The following MACROD2 variants were observed in gnomAD, a reference collection of about 807,000 sequenced individuals.
MACROD2 encodes mono-ADP ribosylhydrolase 2.
MACROD2 carries 36 observed loss-of-function variants against 70.4 expected under a neutral mutation model. That is an observed-to-expected ratio of 0.51 (90% CI 0.39 to 0.68). MACROD2 has a LOEUF of 0.68. Among genes scored for constraint, MACROD2 ranks in the 30% least tolerant of loss-of-function variants. The probability of loss-of-function intolerance (pLI) is 0.00; values close to 1 mark genes in which losing one functional copy is unlikely to be tolerated. For missense variants in MACROD2, 496 were observed against 538.4 expected (o/e 0.92, Z 0.78); for synonymous variants, 172 against 178.8 (o/e 0.96, Z 0.30).
intron 5 of MACROD2, among the ~76,000 whole-genome samples, chr20:14,787,576 T>G (rs1379945529): frequency 6.6e-6 from 1 of 152,144 alleles, no homozygotes; most frequent in Non-Finnish European, 1.5e-5. Flanking sequence ...CTGCTTTATC[T>G]TCCTATGTAT....
intron 8 of MACROD2, among the ~76,000 whole-genome samples, chr20:15,695,414 T>C (rs1157213756): frequency 2.0e-5 from 3 of 150,604 alleles, no homozygotes; most frequent in Non-Finnish European, 4.4e-5. Context: ...TCTTCTTCTT[T>C]TTTTTTTTTT....
intron 5 of MACROD2, among the ~76,000 whole-genome samples, chr20:14,879,560 C>T (rs1468660722): frequency 6.6e-6 from 1 of 152,110 alleles, no homozygotes; most frequent in African/African-American, 2.4e-5. Flanking sequence ...AATAATGTGG[C>T]TAAACTTGCT....
chr20:15,399,793 T>A (rs1363170320), intron 6 of MACROD2, among the ~76,000 whole-genome samples: 2 of 152,226 alleles, frequency 1.3e-5, no homozygotes, highest in African/African-American at 4.8e-5. Flanking sequence ...TTAATGACCA[T>A]CTCACTATGT....
chr20:15,234,938 ATG>A (rs1470752853), intron 6 of MACROD2, among the ~76,000 whole-genome samples: 2 of 152,134 alleles, frequency 1.3e-5, no homozygotes, highest in Non-Finnish European at 2.9e-5. Context: ...AATGATTTTT[ATG>A]TGTTTATCCT....
intron 3 of MACROD2, among the ~76,000 whole-genome samples, chr20:14,373,641 G>A (rs1568582839): frequency 6.6e-6 from 1 of 152,100 alleles, no homozygotes; most frequent in Non-Finnish European, 1.5e-5. Context: ...GCCTCAGAAT[G>A]TGCCTTTTTG....
At chr20:14,964,770 CTTTAGTGTTATTTTTA>C (rs1249930112) in intron 5 of MACROD2, among the ~76,000 whole-genome samples, 1 of 152,070 alleles carries the variant, frequency 6.6e-6, no homozygotes, top group African/African-American at 2.4e-5. Flanking sequence ...CTGTGCTATA[CTTTAGTGTTATTTTTA>C]AAAATCACGC....
At chr20:15,894,199 G>C (rs3827081) in intron 10 of MACROD2, among the ~76,000 whole-genome samples, 19,978 of 152,194 alleles carry the variant, frequency 0.13, 1,693 homozygotes, top group East Asian at 0.42. Context: ...TCCCTGTTGA[G>C]TGCCGGGGCT....
intron 3 of MACROD2, among the ~76,000 whole-genome samples, chr20:14,131,401 G>C (rs1469332520): frequency 6.6e-6 from 1 of 152,100 alleles, no homozygotes. Context: ...TCCAAAATAA[G>C]CTAGATTAGT....
chr20:15,662,186 T>C (rs1361314243), intron 8 of MACROD2, among the ~76,000 whole-genome samples: 1 of 152,208 alleles, frequency 6.6e-6, no homozygotes, highest in Non-Finnish European at 1.5e-5. Flanking sequence ...TGTTTATTAT[T>C]TTTCAGAGTG....
At chr20:13,997,627 C>G (rs1217312479) in intron 1 of MACROD2, among the ~76,000 whole-genome samples, 5 of 152,018 alleles carry the variant, frequency 3.3e-5, no homozygotes, top group Admixed American at 2.6e-4. Context: ...TTTTTAATGT[C>G]TTGATTTCTT....
intron 4 of MACROD2, among the ~76,000 whole-genome samples, chr20:14,602,346 G>A (rs1053572482): frequency 1.3e-5 from 2 of 152,288 alleles, no homozygotes; most frequent in African/African-American, 4.8e-5. Flanking sequence ...CCCTTACTGC[G>A]CATGTGTTAA....
chr20:15,569,941 A>T (rs968974019), intron 8 of MACROD2, among the ~76,000 whole-genome samples: 1 of 152,168 alleles, frequency 6.6e-6, no homozygotes, highest in Non-Finnish European at 1.5e-5. Flanking sequence ...TGATACTGCA[A>T]TAAATAGGAG....
chr20:15,561,452 G>A (rs533112847), intron 8 of MACROD2, among the ~76,000 whole-genome samples: 2 of 152,236 alleles, frequency 1.3e-5, no homozygotes, highest in Admixed American at 1.3e-4. Flanking sequence ...TGGGTAGGGT[G>A]GTTACTTGCT....
chr20:14,364,812 A>G (rs1237463677), intron 3 of MACROD2, among the ~76,000 whole-genome samples: 3 of 152,156 alleles, frequency 2.0e-5, no homozygotes, highest in East Asian at 1.9e-4. Context: ...TGGCTGAACA[A>G]TATTCTCTTG....
intron 5 of MACROD2, among the ~76,000 whole-genome samples, chr20:14,776,141 A>T (rs1247396881): frequency 6.6e-6 from 1 of 152,036 alleles, no homozygotes; most frequent in Non-Finnish European, 1.5e-5. Flanking sequence ...CTGAACCCAT[A>T]CAGGAAAAAT....
At chr20:15,628,041 A>G (rs1456727865) in intron 8 of MACROD2, among the ~76,000 whole-genome samples, 2 of 152,208 alleles carry the variant, frequency 1.3e-5, no homozygotes, top group African/African-American at 4.8e-5. Context: ...TTTGAAGGTC[A>G]TTGCAGAAAC....
intron 6 of MACROD2, among the ~76,000 whole-genome samples, chr20:15,317,643 A>G (rs1186673405): frequency 6.6e-6 from 1 of 151,968 alleles, no homozygotes; most frequent in African/African-American, 2.4e-5. Context: ...TTCCAGTCCA[A>G]TGGCTTTTTG....
rs145443207 is a variant in MACROD2, at chr20:14,512,734, G to A, written c.301+19226G>A. Among the ~76,000 whole-genome samples the A allele has an allele frequency of 3.9e-4, 60 of 152,104 alleles. No individual in the cohort carries two copies. In the East Asian group the frequency reaches 0.011, roughly 27 times the overall value. Reference sequence around the variant, plus strand: ...GAAACTAAGATTTTTTTGTCCTCTCGTGCCTCACATTATGCAGTCGCTGGA... The same window carrying A: ...GAAACTAAGATTTTTTTGTCCTCTCATGCCTCACATTATGCAGTCGCTGGA... On this transcript the variant is annotated intron_variant, in intron 4 of 17. Transcript: ENST00000684519.
chr20:14,986,331 T>C, intron 5 of MACROD2, among the ~76,000 whole-genome samples: 1 of 152,174 alleles, frequency 6.6e-6, no homozygotes, highest in Admixed American at 6.5e-5. Context: ...AATAACCAAG[T>C]GTCTGACACA....
Sources: allele counts gnomAD v4.1 joint callset (sites outside exome capture counted in the v4.1 genomes callset), GRCh38; gene constraint gnomAD v4.1.1; transcripts MANE v1.5; gene names NCBI Gene and HGNC (gene_info 2026-07-23, HGNC 2026-07-21).